The following KICS2 variants were observed in gnomAD, a reference collection of about 807,000 sequenced individuals.
KICS2 encodes KICSTOR subunit 2.
Under a neutral mutation model 31.4 loss-of-function variants are expected in KICS2, and 13 were observed. That is an observed-to-expected ratio of 0.41 (90% CI 0.27 to 0.66). The LOEUF (loss-of-function observed/expected upper bound fraction) is 0.66, where lower values mean the gene tolerates loss of function less well. KICS2 is among the 30% of genes least tolerant of loss of function. KICS2 has a pLI of 0.28. For missense variants in KICS2, 455 were observed against 545.4 expected (o/e 0.83, Z 1.65); for synonymous variants, 209 against 214.8 (o/e 0.97, Z 0.24).
At chr12:64,215,114 C>A (rs970429999) in intron 2 of KICS2, among the ~76,000 whole-genome samples, 1 of 150,678 alleles carries the variant, frequency 6.6e-6, no homozygotes, top group Non-Finnish European at 1.5e-5. Context: ...AAGACCAGCC[C>A]GGCCAATATG....
rs2136684128 is a variant in KICS2 at position 64,191,116 on chromosome 12, C to T, written c.*2726G>A. The T allele has an allele frequency of 6.6e-6, 1 of 152,324 alleles. No individual in the cohort carries two copies. Among genetic ancestry groups the T allele is most frequent in the East Asian group, 1.9e-4 (1 of 5,190 alleles). 9.4% of individuals were successfully genotyped at this position (152,324 alleles called of 1,614,324 possible). A position where few individuals can be genotyped will look rare whatever the true frequency, so the allele number is the denominator to read the frequency against. ...ACTCTTTTAATTAGCAAAACACAGACTTTACAGATCTCATTACTATATTTA... is the reference window on the plus strand; with the variant it reads ...ACTCTTTTAATTAGCAAAACACAGATTTTACAGATCTCATTACTATATTTA... On this transcript the variant is annotated 3_prime_UTR_variant, in exon 3 of 3. Transcript: ENST00000398055.
Position 64,193,571 on chromosome 12 carries a change from A to C in KICS2, c.*271T>G. ...GCCCAATAAATATTCAATCTACAAG[A>C]AATATAGCAAAATAGGGGAAAATAC... is the stretch of plus-strand genomic sequence containing the variant. On this transcript the variant is annotated 3_prime_UTR_variant, in exon 3 of 3. Transcript: ENST00000398055. 1 of 1,194,446 alleles carries C rather than the reference A, an allele frequency of 8.4e-7. No homozygotes were observed. The highest frequency in any genetic ancestry group is 1.0e-6 in the Non-Finnish European group (1 of 963,364). 74.0% of individuals were successfully genotyped at this position (1,194,446 alleles called of 1,614,324 possible). A position where few individuals can be genotyped will look rare whatever the true frequency, so the allele number is the denominator to read the frequency against.
intron 2 of KICS2, among the ~76,000 whole-genome samples, chr12:64,196,206 C>T (rs1219285208): frequency 1.3e-5 from 2 of 151,940 alleles, no homozygotes; most frequent in East Asian, 3.9e-4. Flanking sequence ...CCCTGTCTGA[C>T]AGCTTTGAAG....
chr12:64,187,660 A>G, downstream of KICS2: 1 of 1,535,238 alleles, frequency 6.5e-7, no homozygotes, highest in African/African-American at 1.4e-5. Flanking sequence ...AACCTGGTAG[A>G]AAAGTAGAGA....
At position 64,191,801 on chromosome 12, in the gene KICS2, G is replaced by A. The variant is rs968588718; in HGVS notation, c.*2041C>T. On this transcript the variant is annotated 3_prime_UTR_variant, in exon 3 of 3. Transcript: ENST00000398055. ...TAAAGAAAAAGAAAGGAGGCCAGGT[G>A]CAGTGGCACATGCTTATAAACCCAG... 6.6e-6 allele frequency: 1 copy of A among 152,148 alleles called. No homozygotes were observed. Among genetic ancestry groups the A allele is most frequent in the Non-Finnish European group, 1.5e-5 (1 of 68,034 alleles). The allele number at this position is 152,148 out of a possible 1,614,324, so 9.4% of individuals were successfully genotyped here. A position where few individuals can be genotyped will look rare whatever the true frequency, so the allele number is the denominator to read the frequency against.
At chr12:64,207,021 A>T (rs1019337758) in intron 2 of KICS2, among the ~76,000 whole-genome samples, 1 of 151,988 alleles carries the variant, frequency 6.6e-6, no homozygotes, top group Non-Finnish European at 1.5e-5. Flanking sequence ...AAAATGGTAA[A>T]TTTGCTGGGG....
intron 2 of KICS2, among the ~76,000 whole-genome samples, chr12:64,213,146 T>C (rs1393363082): frequency 6.6e-6 from 1 of 152,010 alleles, no homozygotes; most frequent in African/African-American, 2.4e-5. Flanking sequence ...TAATAATTTT[T>C]ACCCAACCAT....
rs1196596647 is a variant in KICS2 at position 64,193,152 on chromosome 12, A to G, written c.*690T>C. ...AACAGAGTGAAACATTCAAACATTA[A>G]AGAAGTCAAAACAAATGCAGTTAGG... On this transcript the variant is annotated 3_prime_UTR_variant, in exon 3 of 3. Coordinates refer to ENST00000398055, the MANE Select transcript of KICS2 (RefSeq NM_152440.5). 1.0e-6 allele frequency: 1 copy of G among 985,298 alleles called. No individual in the cohort carries two copies. Among genetic ancestry groups the G allele is most frequent in the Non-Finnish European group, 1.2e-6 (1 of 829,940 alleles). The allele number at this position is 985,298 out of a possible 1,614,324, so 61.0% of individuals were successfully genotyped here.
At chr12:64,213,919 T>C (rs1302985620) in intron 2 of KICS2, among the ~76,000 whole-genome samples, 1 of 152,224 alleles carries the variant, frequency 6.6e-6, no homozygotes, top group Non-Finnish European at 1.5e-5. Flanking sequence ...TGCCATCCTG[T>C]TGACAAGACT....
At chr12:64,196,596 T>A (rs1345989807) in intron 2 of KICS2, among the ~76,000 whole-genome samples, 1 of 151,688 alleles carries the variant, frequency 6.6e-6, no homozygotes, top group Non-Finnish European at 1.5e-5. Flanking sequence ...CAAAGCTGGA[T>A]GGAGAATGAC....
At chr12:64,199,626 T>C (rs1034063512) in intron 2 of KICS2, among the ~76,000 whole-genome samples, 1 of 149,542 alleles carries the variant, frequency 6.7e-6, no homozygotes, top group African/African-American at 2.5e-5. Context: ...GAGAAGGAAA[T>C]AAAGGGTATC....
chr12:64,194,189 G>GTTAAT lies in KICS2; in HGVS notation c.990_991insATTAA (p.His331IlefsTer21). The GTTAAT allele has an allele frequency of 1.9e-6, 3 of 1,614,136 alleles. No individual in the cohort carries two copies. The highest frequency in any genetic ancestry group is 2.5e-6 in the Non-Finnish European group (3 of 1,180,046). The stretch of plus-strand genomic sequence containing the variant: ...GCCTCTCTGTAGGAATGGGGGTGGT[G>GTTAAT]ATAACCATGACCCTGAAAACTCTCA... On this transcript the variant is annotated frameshift_variant, in exon 3 of 3. Transcript: ENST00000398055. LOFTEE classifies it high-confidence loss of function.
intron 2 of KICS2, among the ~76,000 whole-genome samples, chr12:64,209,624 C>G (rs139669234): frequency 5.9e-5 from 9 of 152,232 alleles, no homozygotes; most frequent in African/African-American, 9.6e-5. Flanking sequence ...AAAAAGGAAG[C>G]CTTTTTTAAC....
chr12:64,188,393 G>A (rs542563880), downstream of KICS2, among the ~76,000 whole-genome samples: 15 of 152,088 alleles, frequency 9.9e-5, no homozygotes, highest in South Asian at 2.1e-3. Context: ...GCATGGTGGC[G>A]CATGCCTGTA....
At chr12:64,217,205 A>G (rs2037637500) in intron 1 of KICS2, among the ~76,000 whole-genome samples, 1 of 152,220 alleles carries the variant, frequency 6.6e-6, no homozygotes, top group Admixed American at 6.5e-5. Flanking sequence ...CTAGAAGTCT[A>G]GCTTCTCAGG....
Position 64,194,123 on chromosome 12 carries a change from G to T in KICS2, c.1057C>A (p.Pro353Thr). 1 of 1,614,128 alleles carries T rather than the reference G, an allele frequency of 6.2e-7. No homozygotes were observed. The highest frequency in any genetic ancestry group is 8.5e-7 in the Non-Finnish European group (1 of 1,180,026). The change falls in exon 3 of 3, where the codon CCC becomes ACC. Residue 353 changes from proline to threonine, a missense_variant. Physicochemically the swap from Pro to Thr is conservative, Grantham distance 38. Transcript: ENST00000398055. The stretch of plus-strand genomic sequence containing the variant: ...CAGTGCATGACTGGCCTGTCGCTGG[G>T]CAGAGACACTACAGCTGGATACTGG... The part of the protein sequence containing the change: ...VDQYPAVVSL[P>T]SDRPVMHWPN...
chr12:64,205,721 G>A (rs533330987), intron 2 of KICS2, among the ~76,000 whole-genome samples: 6 of 126,702 alleles, frequency 4.7e-5, no homozygotes, highest in Middle Eastern at 4.1e-3. Flanking sequence ...AGGAAGGGAG[G>A]GAGGGAGGAA....
rs964532393 is a variant in KICS2, at chr12:64,193,882, G to C, written c.1298C>G (p.Pro433Arg). 2 of 1,614,090 alleles carry C rather than the reference G, an allele frequency of 1.2e-6. No homozygotes were observed. The highest frequency in any genetic ancestry group is 1.7e-6 in the Non-Finnish European group (2 of 1,180,006). ...LNEVSLALKN[P>R]KVFASLKPGA... Reference sequence around the variant, plus strand: ...AGGTTTCAGACTTGCAAACACTTTGGGGTTCTTAAGGGCAAGTGAGACCTC... The same window carrying C: ...AGGTTTCAGACTTGCAAACACTTTGCGGTTCTTAAGGGCAAGTGAGACCTC... Residue 433 changes from proline (P) to arginine (R), a missense_variant, in exon 3 of 3, where the codon CCC (proline) becomes CGC (arginine). Physicochemically the swap from Pro to Arg is moderately radical, Grantham distance 103. Coordinates refer to ENST00000398055, the MANE Select transcript of KICS2 (RefSeq NM_152440.5).
chr12:64,187,772 A>G, downstream of KICS2: 2 of 759,942 alleles, frequency 2.6e-6, no homozygotes, highest in Non-Finnish European at 4.1e-6. Flanking sequence ...GTTTTCTTAC[A>G]TTTTTACTTG....
Sources: gnomAD v4.1 joint callset for allele counts (sites outside exome capture counted in the v4.1 genomes callset) on GRCh38, gnomAD v4.1.1 for gene constraint, MANE v1.5 for transcripts, NCBI Gene and HGNC (gene_info 2026-07-23, HGNC 2026-07-21) for gene names.